PBX3: variants seen among roughly 807,000 people sequenced by gnomAD.
PBX3 encodes the protein PBX homeobox 3, also known as pre-B-cell leukemia transcription factor 3.
Under a neutral mutation model 48.5 loss-of-function variants are expected in PBX3, and 14 were observed. The observed-to-expected ratio is 0.29, with a 90% CI of 0.19 to 0.45. The LOEUF is 0.45. Among genes scored for constraint, PBX3 ranks in the 20% least tolerant of loss-of-function variants. The pLI, the probability that PBX3 is intolerant of heterozygous loss-of-function variation, is 1.00. For synonymous variants in PBX3, 210 were observed against 200.3 expected (o/e 1.05, Z -0.41); for missense variants, 386 against 546.7 (o/e 0.71, Z 2.93).
intron 2 of PBX3, among the ~76,000 whole-genome samples, chr9:125,896,150 G>T (rs1023144867): frequency 6.6e-6 from 1 of 151,924 alleles, no homozygotes; most frequent in African/African-American, 2.4e-5. Flanking sequence ...GATGAAATGG[G>T]TTAATCTCTC....
At chr9:125,893,050 G>T (rs528272337) in intron 2 of PBX3, among the ~76,000 whole-genome samples, 1 of 152,128 alleles carries the variant, frequency 6.6e-6, no homozygotes, top group South Asian at 2.1e-4. Context: ...CTATTTCTTT[G>T]TACTGATTTC....
chr9:125,840,742 C>G (rs1321031286), intron 2 of PBX3, among the ~76,000 whole-genome samples: 6 of 151,944 alleles, frequency 3.9e-5, no homozygotes, highest in Non-Finnish European at 8.8e-5. Flanking sequence ...GGGTGAAGGG[C>G]AAAGACTGGA....
intron 2 of PBX3, among the ~76,000 whole-genome samples, chr9:125,851,589 T>C (rs1278229412): frequency 6.6e-6 from 1 of 152,134 alleles, no homozygotes; most frequent in East Asian, 1.9e-4. Context: ...CAGAGCTATA[T>C]ATTATGAAGC....
chr9:125,887,992 T>G (rs1320652824), intron 2 of PBX3, among the ~76,000 whole-genome samples: 2 of 152,144 alleles, frequency 1.3e-5, no homozygotes, highest in Non-Finnish European at 2.9e-5. Flanking sequence ...AGTTATATCA[T>G]GTAAAGAGAG....
chr9:125,952,717 C>T (rs1183857513), intron 5 of PBX3, among the ~76,000 whole-genome samples: 2 of 152,188 alleles, frequency 1.3e-5, no homozygotes, highest in African/African-American at 2.4e-5. Flanking sequence ...CAAGGCCTGG[C>T]ACTTAAACTC....
chr9:125,934,188 T>C (rs1250042200), intron 4 of PBX3, among the ~76,000 whole-genome samples: 1 of 152,190 alleles, frequency 6.6e-6, no homozygotes, highest in Non-Finnish European at 1.5e-5. Context: ...TGAGTTGTTT[T>C]GATCAGACCT....
At chr9:125,845,423 A>G (rs561268574) in intron 2 of PBX3, among the ~76,000 whole-genome samples, 1 of 152,250 alleles carries the variant, frequency 6.6e-6, no homozygotes, top group South Asian at 2.1e-4. Context: ...TTTTATAACC[A>G]TCAAAGCAAC....
Position 125,965,822 on chromosome 9 carries a change from T to C in PBX3, c.1213-9T>C. ...ACGTGCACCCGTTGAACTGTGTTTC[T>C]CCTTTCAGGCTAATGGAGGCTGGCA... On this transcript the variant is annotated splice_polypyrimidine_tract_variant and intron_variant, in intron 8 of 8. Transcript: ENST00000373489. 2.5e-6 allele frequency: 4 copies of C among 1,609,796 alleles called. No homozygotes were observed. Among genetic ancestry groups the C allele is most frequent in the Non-Finnish European group, 3.4e-6 (4 of 1,176,002 alleles).
At chr9:125,825,500 A>G (rs763571980) in intron 2 of PBX3, among the ~76,000 whole-genome samples, 143 of 149,228 alleles carry the variant, frequency 9.6e-4, no homozygotes, top group Admixed American at 2.2e-3. Context: ...TTTTTTTTTT[A>G]ACAAATTCTT....
chr9:125,849,869 C>G (rs1339861716), intron 2 of PBX3, among the ~76,000 whole-genome samples: 1 of 152,004 alleles, frequency 6.6e-6, no homozygotes, highest in Non-Finnish European at 1.5e-5. Flanking sequence ...AACGTTTTTA[C>G]TTAATCAACA....
At chr9:125,956,501 A>T (rs1440907676) in intron 5 of PBX3, among the ~76,000 whole-genome samples, 1 of 152,216 alleles carries the variant, frequency 6.6e-6, no homozygotes, top group Non-Finnish European at 1.5e-5. Context: ...ACACGGTTGT[A>T]GTGTATGCGA....
chr9:125,780,140 G>A (rs1588138478), intron 2 of PBX3, among the ~76,000 whole-genome samples: 2 of 138,850 alleles, frequency 1.4e-5, no homozygotes, highest in African/African-American at 2.7e-5. Context: ...AGGGGCGGCC[G>A]GGCAGAGGCG....
chr9:125,901,185 A>G (rs894872238), intron 2 of PBX3, among the ~76,000 whole-genome samples: 3 of 151,682 alleles, frequency 2.0e-5, no homozygotes, highest in African/African-American at 7.2e-5. Flanking sequence ...TTCCGTCAGT[A>G]ATGCCAGGGA....
intron 2 of PBX3, among the ~76,000 whole-genome samples, chr9:125,857,157 C>T (rs1839745287): frequency 2.0e-5 from 3 of 152,184 alleles, no homozygotes; most frequent in South Asian, 4.2e-4. Context: ...GGAAATATAT[C>T]GTTGGCACTT....
chr9:125,794,725 A>G (rs1348444138), intron 2 of PBX3, among the ~76,000 whole-genome samples: 1 of 147,060 alleles, frequency 6.8e-6, no homozygotes, highest in Non-Finnish European at 1.5e-5. Flanking sequence ...TAACAGTCCC[A>G]TAAGTTAATA....
chr9:125,812,897 A>G (rs903691480), intron 2 of PBX3, among the ~76,000 whole-genome samples: 21 of 152,314 alleles, frequency 1.4e-4, no homozygotes, highest in African/African-American at 4.8e-4. Context: ...TAAGAGATAA[A>G]ACATGGTATA....
rs1588340174 is a variant in PBX3, at chr9:125,957,047, C to T, written c.844-3637C>T. On this transcript the variant is annotated intron_variant, in intron 5 of 8. Coordinates refer to ENST00000373489, the MANE Select transcript of PBX3 (RefSeq NM_006195.6). Reference sequence around the variant, plus strand: ...AAAAAAAAATCCTGAATTTAGGTGTCGATTGATACATTAATTACCCCATCT... The same window carrying T: ...AAAAAAAAATCCTGAATTTAGGTGTTGATTGATACATTAATTACCCCATCT... Among the ~76,000 whole-genome samples, 4 of 152,146 alleles carry T rather than the reference C, an allele frequency of 2.6e-5. No homozygotes were observed. The South Asian group carries it at 8.3e-4, about 32-fold the overall frequency.
chr9:125,912,884 G>A (rs918486548), intron 2 of PBX3, among the ~76,000 whole-genome samples: 6 of 151,996 alleles, frequency 3.9e-5, no homozygotes, highest in African/African-American at 1.5e-4. Flanking sequence ...CAGAGGAGTA[G>A]GTATTATGAC....
At position 125,962,147 on chromosome 9, in the gene PBX3, T is replaced by G; in HGVS notation, c.1055T>G (p.Met352Arg). Reference sequence around the variant, plus strand: ...CTCCCAAATTCTGGGGACATGTTCATGAACATGCAGAGTCTGAATGGGGAT... The same window carrying G: ...CTCCCAAATTCTGGGGACATGTTCAGGAACATGCAGAGTCTGAATGGGGAT... ...FNLPNSGDMFMNMQSLNGDSY... is the reference protein window; with the variant it reads ...FNLPNSGDMFRNMQSLNGDSY... Residue 352 changes from methionine to arginine, a missense_variant, in exon 7 of 9, where the codon ATG becomes AGG. Physicochemically the swap from Met to Arg is moderately conservative, Grantham distance 91. Coordinates refer to ENST00000373489, the MANE Select transcript of PBX3 (RefSeq NM_006195.6). 1 of 1,613,378 alleles carries G rather than the reference T, an allele frequency of 6.2e-7. No individual in the cohort carries two copies. The highest frequency in any genetic ancestry group is 8.5e-7 in the Non-Finnish European group (1 of 1,179,384).
Sources: gnomAD v4.1 joint callset for allele counts (sites outside exome capture counted in the v4.1 genomes callset) on GRCh38, gnomAD v4.1.1 for gene constraint, MANE v1.5 for transcripts, NCBI Gene and HGNC (gene_info 2026-07-23, HGNC 2026-07-21) for gene names.